The following TAFA4 variants were observed in gnomAD, a reference collection of about 807,000 sequenced individuals.
The protein encoded by TAFA4 is TAFA chemokine like family member 4, also known as chemokine-like protein TAFA-4.
Under a neutral mutation model 21.1 loss-of-function variants are expected in TAFA4, and 20 were observed. That is an observed-to-expected ratio of 0.95 (90% CI 0.67 to 1.38). The LOEUF (loss-of-function observed/expected upper bound fraction) is 1.38. Ranked by LOEUF, TAFA4 falls within the 40% of genes most tolerant of loss-of-function variation. The pLI, the probability that TAFA4 is intolerant of heterozygous loss-of-function variation, is 0.00. For missense variants in TAFA4, 211 were observed against 180.9 expected (o/e 1.17, Z -0.95); for synonymous variants, 71 against 67.4 (o/e 1.05, Z -0.26).
chr3:68,842,893 T>C (rs1033721736), intron 3 of TAFA4, among the ~76,000 whole-genome samples: 1 of 152,188 alleles, frequency 6.6e-6, no homozygotes, highest in Non-Finnish European at 1.5e-5. Flanking sequence ...CATTGGTCTA[T>C]GTATCTGCTT....
chr3:68,796,849 T>A (rs961560758), intron 3 of TAFA4, among the ~76,000 whole-genome samples: 3 of 152,108 alleles, frequency 2.0e-5, no homozygotes, highest in South Asian at 2.1e-4. Context: ...TTTCTCCAAA[T>A]ATATACAAGT....
At chr3:68,741,812 A>T (rs73104794) in intron 4 of TAFA4, among the ~76,000 whole-genome samples, 1,972 of 152,182 alleles carry the variant, frequency 0.013, 23 homozygotes, top group Middle Eastern at 0.041. Context: ...AAAAATAAAA[A>T]TAAAAACTCT....
At chr3:68,849,192 A>T (rs1340880469) in intron 3 of TAFA4, among the ~76,000 whole-genome samples, 1 of 152,100 alleles carries the variant, frequency 6.6e-6, no homozygotes, top group Non-Finnish European at 1.5e-5. Context: ...TGTCCAGTAG[A>T]TTGATGTAAA....
chr3:68,834,281 G>A (rs1704469507), intron 3 of TAFA4, among the ~76,000 whole-genome samples: 1 of 152,110 alleles, frequency 6.6e-6, no homozygotes, highest in African/African-American at 2.4e-5. Flanking sequence ...AGCCATGCCT[G>A]GTAGAATGAC....
chr3:68,794,717 G>A (rs1703422995), intron 3 of TAFA4, among the ~76,000 whole-genome samples: 1 of 152,116 alleles, frequency 6.6e-6, no homozygotes, highest in Non-Finnish European at 1.5e-5. Flanking sequence ...GATCATTTTG[G>A]TGGGGTAAAA....
At chr3:68,892,040 T>G in intron 1 of TAFA4, among the ~76,000 whole-genome samples, 1 of 152,164 alleles carries the variant, frequency 6.6e-6, no homozygotes, top group East Asian at 1.9e-4. Flanking sequence ...GTAAATGTGC[T>G]TAACAGGTTA....
At chr3:68,807,331 G>A (rs979000296) in intron 3 of TAFA4, among the ~76,000 whole-genome samples, 2 of 152,330 alleles carry the variant, frequency 1.3e-5, no homozygotes, top group Middle Eastern at 3.4e-3. Flanking sequence ...TCTCTAGGGA[G>A]GACAGTGAGG....
intron 1 of TAFA4, among the ~76,000 whole-genome samples, chr3:68,897,516 C>T (rs556418847): frequency 6.6e-6 from 1 of 151,908 alleles, no homozygotes; most frequent in East Asian, 2.0e-4. Flanking sequence ...ATCCCAGCTA[C>T]TTGGGAGGCT....
At chr3:68,908,484 A>G (rs967949640) in intron 1 of TAFA4, among the ~76,000 whole-genome samples, 1 of 150,990 alleles carries the variant, frequency 6.6e-6, no homozygotes, top group Non-Finnish European at 1.5e-5. Flanking sequence ...TGAAGCTAAG[A>G]AGGGAAACAG....
intron 3 of TAFA4, among the ~76,000 whole-genome samples, chr3:68,791,831 T>C (rs876535): frequency 0.69 from 104,617 of 152,090 alleles, 36,519 homozygotes; most frequent in East Asian, 0.98. Flanking sequence ...TCTAGATATG[T>C]GAAACTTTTG....
intron 4 of TAFA4, among the ~76,000 whole-genome samples, chr3:68,741,803 AAAATAAAAAT>A (rs1250426894): frequency 4.0e-5 from 6 of 151,736 alleles, no homozygotes; most frequent in African/African-American, 1.5e-4. Context: ...AAAAAAAATA[AAAATAAAAAT>A]AAAAACTCTC....
chr3:68,839,836 G>A (rs1013860570), intron 3 of TAFA4, among the ~76,000 whole-genome samples: 2 of 152,166 alleles, frequency 1.3e-5, no homozygotes, highest in African/African-American at 2.4e-5. Context: ...AGAAATTTCC[G>A]AGGTAGGACA....
intron 1 of TAFA4, among the ~76,000 whole-genome samples, chr3:68,925,831 G>A (rs907000043): frequency 2.6e-5 from 4 of 152,012 alleles, no homozygotes; most frequent in Admixed American, 1.3e-4. Context: ...AAGGAATGTC[G>A]GCCTCCTTCC....
intron 3 of TAFA4, among the ~76,000 whole-genome samples, chr3:68,825,894 T>A (rs1313219854): frequency 6.6e-6 from 1 of 152,112 alleles, no homozygotes; most frequent in Non-Finnish European, 1.5e-5. Context: ...ACTTCATCAG[T>A]TCAAACATGA....
rs1023470740 is a variant in TAFA4, at chr3:68,876,496, A to T, written c.130+4234T>A. Among the ~76,000 whole-genome samples, 5 of 151,878 alleles carry T rather than the reference A, an allele frequency of 3.3e-5. No individual in the cohort carries two copies. In the South Asian group the frequency reaches 6.2e-4, roughly 19 times the overall value. Reference sequence around the variant, plus strand: ...GTAGTAGATGTTATATTCCCCACTCAGTTAGTATTTTTGAAATTACCAGGT... The same window carrying T: ...GTAGTAGATGTTATATTCCCCACTCTGTTAGTATTTTTGAAATTACCAGGT... On this transcript the variant is annotated intron_variant, in intron 3 of 5. Coordinates refer to ENST00000295569, the MANE Select transcript of TAFA4 (RefSeq NM_182522.5).
In TAFA4 at chr3:68,782,065, C is replaced by T. The variant is rs547481840; in HGVS notation, c.131-29047G>A. On this transcript the variant is annotated intron_variant, in intron 3 of 5. Transcript: ENST00000295569. The stretch of plus-strand genomic sequence containing the variant: ...AATACTTTCAAGAGTAGAAAAACAA[C>T]GGAGAAAATGGGAGAAAATATCTGG... 8.6e-5 allele frequency among the ~76,000 whole-genome samples: 13 copies of T among 152,022 alleles called. No individual in the cohort carries two copies. In the East Asian group the frequency reaches 9.7e-4, roughly 11 times the overall value.
chr3:68,807,740 T>C (rs903151796), intron 3 of TAFA4, among the ~76,000 whole-genome samples: 2 of 152,226 alleles, frequency 1.3e-5, no homozygotes, highest in African/African-American at 4.8e-5. Flanking sequence ...CAGAGCTTTA[T>C]CAAGAGACAC....
intron 2 of TAFA4, among the ~76,000 whole-genome samples, chr3:68,882,099 T>A (rs1486913224): frequency 6.6e-6 from 1 of 152,232 alleles, no homozygotes. Flanking sequence ...TTGAAGAACT[T>A]GGTGTTAAAG....
intron 3 of TAFA4, among the ~76,000 whole-genome samples, chr3:68,817,854 T>C (rs1403561137): frequency 2.0e-5 from 3 of 152,152 alleles, no homozygotes; most frequent in Non-Finnish European, 4.4e-5. Context: ...GCTCTACTCA[T>C]AGGCAGAGTA....
Sources: allele counts gnomAD v4.1 joint callset (sites outside exome capture counted in the v4.1 genomes callset), GRCh38; gene constraint gnomAD v4.1.1; transcripts MANE v1.5; gene names NCBI Gene and HGNC (gene_info 2026-07-23, HGNC 2026-07-21).